SAMMSON: variants seen among roughly 807,000 people sequenced by gnomAD.
SAMMSON encodes the protein long intergenic non-protein coding RNA 1212.
At chr3:70,430,692 C>G (rs1048740226) in intron 2 of SAMMSON, among the ~76,000 whole-genome samples, 1 of 152,104 alleles carries the variant, frequency 6.6e-6, no homozygotes, top group Non-Finnish European at 1.5e-5. Flanking sequence ...TTGTTATCAG[C>G]ACCAATCGAG....
intron 4 of SAMMSON, among the ~76,000 whole-genome samples, chr3:70,242,214 T>G (rs974954801): frequency 6.6e-6 from 1 of 152,222 alleles, no homozygotes; most frequent in Admixed American, 6.5e-5. Flanking sequence ...ACCTTTTTTA[T>G]ATGACACATC....
intron 4 of SAMMSON, among the ~76,000 whole-genome samples, chr3:70,203,030 G>A (rs1431985763): frequency 6.6e-6 from 1 of 152,050 alleles, no homozygotes; most frequent in African/African-American, 2.4e-5. Context: ...AGGGATAAGA[G>A]CACCCACAGA....
chr3:70,266,121 T>A (rs949322458), intron 6 of SAMMSON, among the ~76,000 whole-genome samples: 1 of 152,230 alleles, frequency 6.6e-6, no homozygotes, highest in Non-Finnish European at 1.5e-5. Context: ...ATTTTGGCTA[T>A]TATATCTTTT....
At position 70,313,048 on chromosome 3, in the gene SAMMSON, C is replaced by T. The variant is rs180925538; in HGVS notation, n.739+21805C>T. 8.5e-4 allele frequency among the ~76,000 whole-genome samples: 130 copies of T among 152,174 alleles called. 2 individuals are homozygous for T. Among genetic ancestry groups the T allele is most frequent in the African/African-American group, 3.1e-3 (128 of 41,530 alleles). ...GTTTGAAAAGTGAGTGTTTTTTCCA[C>T]CTAATATTTTATAAACAACAAGAAA... On this transcript the variant is annotated intron_variant and non_coding_transcript_variant, in intron 7 of 9. Transcript: ENST00000642114.
chr3:70,097,282 C>T (rs1313883363), intron 4 of SAMMSON, among the ~76,000 whole-genome samples: 1 of 152,172 alleles, frequency 6.6e-6, no homozygotes, highest in Non-Finnish European at 1.5e-5. Flanking sequence ...CCCTAGATGG[C>T]ACTCATGATT....
chr3:70,016,987 T>C (rs2066988893), intron 3 of SAMMSON, among the ~76,000 whole-genome samples: 2 of 152,172 alleles, frequency 1.3e-5, no homozygotes, highest in African/African-American at 4.8e-5. Flanking sequence ...TTGGTTACTG[T>C]AGCCTTGTAG....
chr3:70,231,344 C>T (rs1048914346), intron 4 of SAMMSON, among the ~76,000 whole-genome samples: 6 of 152,198 alleles, frequency 3.9e-5, no homozygotes, highest in Admixed American at 3.9e-4. Context: ...AGCAGCCCGC[C>T]ATCTCTCTCT....
chr3:70,418,378 G>T (rs1701282243), intron 2 of SAMMSON, among the ~76,000 whole-genome samples: 2 of 152,040 alleles, frequency 1.3e-5, no homozygotes, highest in South Asian at 4.1e-4. Flanking sequence ...CTTTTTCCTA[G>T]GGTGGTCAGG....
chr3:70,064,491 C>A (rs2067202068), intron 3 of SAMMSON, among the ~76,000 whole-genome samples: 1 of 152,236 alleles, frequency 6.6e-6, no homozygotes, highest in Middle Eastern at 3.4e-3. Context: ...GCCAGTTCAG[C>A]TTTGACACCA....
At chr3:70,386,387 G>T (rs1703123020) in intron 9 of SAMMSON, among the ~76,000 whole-genome samples, 1 of 151,890 alleles carries the variant, frequency 6.6e-6, no homozygotes, top group Admixed American at 6.6e-5. Flanking sequence ...TGCTGTCCAG[G>T]TTATATCTCA....
chr3:70,255,655 CATT>C (rs1701809036), intron 6 of SAMMSON, among the ~76,000 whole-genome samples: 1 of 152,014 alleles, frequency 6.6e-6, no homozygotes, highest in South Asian at 2.1e-4. Flanking sequence ...GGTGGGGTCT[CATT>C]ATGTTGCACA....
intron 2 of SAMMSON, among the ~76,000 whole-genome samples, chr3:70,416,261 G>C (rs1380747583): frequency 6.6e-6 from 1 of 152,094 alleles, no homozygotes; most frequent in African/African-American, 2.4e-5. Flanking sequence ...TTATGAAATA[G>C]CTTCTTAATA....
At chr3:70,020,798 T>C (rs2067010335) in intron 3 of SAMMSON, among the ~76,000 whole-genome samples, 1 of 152,148 alleles carries the variant, frequency 6.6e-6, no homozygotes, top group African/African-American at 2.4e-5. Context: ...GTAAGCCCTT[T>C]ATGGACATCA....
chr3:70,171,615 TGG>T (rs10714233), intron 4 of SAMMSON, among the ~76,000 whole-genome samples: 1 of 151,442 alleles, frequency 6.6e-6, no homozygotes, highest in Non-Finnish European at 1.5e-5. Flanking sequence ...GCACAGTCTT[TGG>T]GGGGGGGAGC....
chr3:70,173,851 A>T lies in SAMMSON; in HGVS notation n.508-75256A>T, dbSNP rs142333153. On this transcript the variant is annotated intron_variant and non_coding_transcript_variant, in intron 4 of 9. Coordinates refer to ENST00000642114, the Ensembl canonical transcript of SAMMSON. ...AGGTGATATTTTGTTACTTTTCATT[A>T]TAAGAAACAACTTAATGCATTTAAG... Among the ~76,000 whole-genome samples the T allele has an allele frequency of 7.6e-4, 115 of 152,048 alleles. 1 individual carries two copies. The East Asian group carries it at 0.011, about 14-fold the overall frequency.
chr3:70,272,502 C>T (rs1402528497), intron 6 of SAMMSON, among the ~76,000 whole-genome samples: 1 of 152,200 alleles, frequency 6.6e-6, no homozygotes, highest in Non-Finnish European at 1.5e-5. Flanking sequence ...TATCTGTTCT[C>T]CCCTGATGGA....
chr3:70,368,344 A>G (rs982010012), intron 9 of SAMMSON, among the ~76,000 whole-genome samples: 2 of 151,620 alleles, frequency 1.3e-5, no homozygotes, highest in African/African-American at 2.4e-5. Context: ...AAATAAAACT[A>G]TATGAGCAGC....
At chr3:70,428,004 A>G (rs1013368673) in intron 2 of SAMMSON, among the ~76,000 whole-genome samples, 1 of 152,210 alleles carries the variant, frequency 6.6e-6, no homozygotes, top group Non-Finnish European at 1.5e-5. Context: ...TTACAATAGT[A>G]CAAAATATAT....
intron 4 of SAMMSON, among the ~76,000 whole-genome samples, chr3:70,226,831 T>G (rs1046589547): frequency 3.3e-5 from 5 of 151,070 alleles, no homozygotes; most frequent in Non-Finnish European, 7.4e-5. Context: ...AATATGGAAG[T>G]GTAAAAAAAA....
Sources: gnomAD v4.1 joint callset for allele counts (sites outside exome capture counted in the v4.1 genomes callset) on GRCh38, gnomAD v4.1.1 for gene constraint, MANE v1.5 for transcripts, NCBI Gene and HGNC (gene_info 2026-07-23, HGNC 2026-07-21) for gene names.